Variants in REEP1 observed in about 807,000 individuals in gnomAD.
The protein encoded by REEP1 is receptor accessory protein 1.
REEP1 carries 22 observed loss-of-function variants against 40.3 expected under a neutral mutation model. The ratio of observed to expected loss-of-function variants is 0.55; its 90% CI spans 0.39 to 0.78. REEP1 has a LOEUF of 0.78. Among genes scored for constraint, REEP1 ranks in the 30% least tolerant of loss-of-function variants. The probability of loss-of-function intolerance (pLI) is 0.00; values close to 1 mark genes in which losing one functional copy is unlikely to be tolerated. For missense variants in REEP1, 280 were observed against 361.1 expected (o/e 0.78, Z 1.82); for synonymous variants, 116 against 139.2 (o/e 0.83, Z 1.17).
chr2:86,331,019 G>A (rs1680737374), intron 1 of REEP1, among the ~76,000 whole-genome samples: 1 of 152,188 alleles, frequency 6.6e-6, no homozygotes, highest in Non-Finnish European at 1.5e-5. Context: ...AAAAGCAGCT[G>A]CAGGAACTGG....
chr2:86,275,471 T>TA (rs1237017080), intron 2 of REEP1, among the ~76,000 whole-genome samples: 4 of 152,178 alleles, frequency 2.6e-5, no homozygotes, highest in African/African-American at 9.7e-5. Flanking sequence ...CCAGAGTCTA[T>TA]ACTCTAAATT....
At chr2:86,296,751 G>A (rs1423460887) in intron 1 of REEP1, among the ~76,000 whole-genome samples, 2 of 152,176 alleles carry the variant, frequency 1.3e-5, no homozygotes, top group African/African-American at 4.8e-5. Context: ...CAGCTACTCA[G>A]GAGGCTGAGG....
chr2:86,263,614 C>T (rs1676978057), intron 3 of REEP1, among the ~76,000 whole-genome samples: 1 of 152,156 alleles, frequency 6.6e-6, no homozygotes, highest in African/African-American at 2.4e-5. Context: ...GAGAAGGAAA[C>T]TCAGTTTTTC....
At chr2:86,266,031 GGAA>G (rs765826834) in intron 2 of REEP1, among the ~76,000 whole-genome samples, 1 of 152,064 alleles carries the variant, frequency 6.6e-6, no homozygotes, top group Non-Finnish European at 1.5e-5. Context: ...TACACGTGAG[GGAA>G]TAGGAAAATA....
intron 1 of REEP1, among the ~76,000 whole-genome samples, chr2:86,321,890 C>T (rs921004978): frequency 6.6e-6 from 1 of 152,102 alleles, no homozygotes; most frequent in Non-Finnish European, 1.5e-5. Flanking sequence ...GTCTGCCTCA[C>T]CAATTTTAGT....
chr2:86,222,744 T>C (rs964942116), intron 7 of REEP1, among the ~76,000 whole-genome samples: 1 of 152,220 alleles, frequency 6.6e-6, no homozygotes, highest in Non-Finnish European at 1.5e-5. Flanking sequence ...GATTTGCTAC[T>C]TTAGATATAT....
intron 5 of REEP1, among the ~76,000 whole-genome samples, chr2:86,238,836 C>T (rs1273581584): frequency 1.3e-5 from 2 of 152,114 alleles, no homozygotes; most frequent in African/African-American, 4.8e-5. Flanking sequence ...GTATTTGTCA[C>T]CACTGAGAGC....
intron 1 of REEP1, among the ~76,000 whole-genome samples, chr2:86,293,893 G>A (rs1678850919): frequency 6.6e-6 from 1 of 152,200 alleles, no homozygotes; most frequent in African/African-American, 2.4e-5. Context: ...AAAGATGGAA[G>A]CAATCCAAGT....
intron 1 of REEP1, among the ~76,000 whole-genome samples, chr2:86,297,146 C>T (rs184036229): frequency 6.6e-5 from 10 of 152,346 alleles, no homozygotes; most frequent in African/African-American, 2.2e-4. Context: ...CATCCAGAGG[C>T]TTCCCCTGCC....
chr2:86,272,959 TA>T (rs928979158), intron 2 of REEP1, among the ~76,000 whole-genome samples: 64 of 151,896 alleles, frequency 4.2e-4, no homozygotes, highest in African/African-American at 1.5e-3. Flanking sequence ...CCCGTCTCTA[TA>T]AAAAAACACA....
intron 1 of REEP1, among the ~76,000 whole-genome samples, chr2:86,295,043 A>G (rs56902328): frequency 0.098 from 14,861 of 152,252 alleles, 2,432 homozygotes; most frequent in African/African-American, 0.33. Context: ...TATTTTAAAA[A>G]AAAAGAAAAG....
chr2:86,335,713 G>A (rs972869750), intron 1 of REEP1, among the ~76,000 whole-genome samples: 2 of 152,036 alleles, frequency 1.3e-5, no homozygotes, highest in African/African-American at 2.4e-5. Context: ...GCTGGGCGTG[G>A]TGGCAGGCGC....
chr2:86,230,460 G>A (rs150105043), intron 6 of REEP1, among the ~76,000 whole-genome samples: 148 of 152,364 alleles, frequency 9.7e-4, no homozygotes, highest in African/African-American at 3.1e-3. Flanking sequence ...GAGGCAAAGG[G>A]ACGCCAGGGC....
chr2:86,322,389 G>A (rs1418031199), intron 1 of REEP1, among the ~76,000 whole-genome samples: 1 of 151,980 alleles, frequency 6.6e-6, no homozygotes, highest in Non-Finnish European at 1.5e-5. Flanking sequence ...AAAAATAAAA[G>A]ATTGTTTTTT....
chr2:86,297,652 A>G (rs1183746511), intron 1 of REEP1: 1 of 960,642 alleles, frequency 1.0e-6, no homozygotes, highest in Non-Finnish European at 1.2e-6. Flanking sequence ...GGTTGGAGGG[A>G]GGAAGAGAAC....
rs181826186 is a variant in REEP1, at chr2:86,283,519, G to A, written c.33-1277C>T. ...GAAACCCAAAGCTGTAGTTCACTGG[G>A]TATTGAGAGAACTCCTAGTCCAGAA... On this transcript the variant is annotated intron_variant, in intron 1 of 8. Coordinates refer to ENST00000538924, the MANE Select transcript of REEP1 (RefSeq NM_001371279.1). Among the ~76,000 whole-genome samples, 3 of 152,320 alleles carry A rather than the reference G, an allele frequency of 2.0e-5. No homozygotes were observed. In the East Asian group the frequency reaches 5.8e-4, roughly 29 times the overall value.
At position 86,253,384 on chromosome 2, in the gene REEP1, T is replaced by C. The variant is rs141036385; in HGVS notation, c.303+1310A>G. ...AGTCAAGTTCTGTGCATTAGTGTAT[T>C]TCCATTGCTTTGAGGTGTGCAAGTG... On this transcript the variant is annotated intron_variant, in intron 4 of 8. Coordinates refer to ENST00000538924, the MANE Select transcript of REEP1 (RefSeq NM_001371279.1). Among the ~76,000 whole-genome samples the C allele has an allele frequency of 4.6e-5, 7 of 152,266 alleles. No homozygotes were observed. In the East Asian group the frequency reaches 1.4e-3, roughly 29 times the overall value.
intron 2 of REEP1, among the ~76,000 whole-genome samples, chr2:86,279,569 A>C (rs1275746156): frequency 2.0e-5 from 3 of 152,242 alleles, no homozygotes; most frequent in African/African-American, 7.2e-5. Flanking sequence ...AAGGACCTTC[A>C]GATGGGAAGA....
chr2:86,334,398 C>G (rs149898036), intron 1 of REEP1, among the ~76,000 whole-genome samples: 1 of 152,042 alleles, frequency 6.6e-6, no homozygotes, highest in Non-Finnish European at 1.5e-5. Flanking sequence ...AAACGTGACT[C>G]GCGGATAAAA....
Sources: gnomAD v4.1 joint callset for allele counts (sites outside exome capture counted in the v4.1 genomes callset) on GRCh38, gnomAD v4.1.1 for gene constraint, MANE v1.5 for transcripts, NCBI Gene and HGNC (gene_info 2026-07-23, HGNC 2026-07-21) for gene names.